Variants in PDZD2 observed in about 807,000 individuals in gnomAD.
PDZD2 encodes the protein PDZ domain containing 2, also known as PDZ domain-containing protein 2.
Under a neutral mutation model 220.7 loss-of-function variants are expected in PDZD2, and 90 were observed. The ratio of observed to expected loss-of-function variants is 0.41; its 90% confidence interval spans 0.34 to 0.49. The LOEUF (loss-of-function observed/expected upper bound fraction) is 0.49. Ranked by LOEUF, PDZD2 falls within the 20% of genes least tolerant of loss-of-function variation. The pLI, the probability that PDZD2 is intolerant of heterozygous loss-of-function variation, is 0.28. For missense variants in PDZD2, 3,174 were observed against 3,608.5 expected, an observed-to-expected ratio of 0.88 and a Z score of 3.08; for synonymous variants, 1,375 against 1,450.5, an observed-to-expected ratio of 0.95 and a Z score of 1.18.
chr5:31,800,371 C>T (rs990744390), intron 2 of PDZD2, among the ~76,000 whole-genome samples: 5 of 152,140 alleles, frequency 3.3e-5, no homozygotes, highest in Non-Finnish European at 7.3e-5. Context: ...TGATGTTTGA[C>T]GCCAACCAGG....
chr5:31,669,401 CAAAAAAAAA>C (rs34910299), intron 1 of PDZD2, among the ~76,000 whole-genome samples: 37 of 109,658 alleles, frequency 3.4e-4, no homozygotes, highest in Admixed American at 2.0e-4. Flanking sequence ...GACCCTGTCT[CAAAAAAAAA>C]AAAAAAAAAA....
At chr5:31,740,229 T>C (rs115528547) in intron 1 of PDZD2, among the ~76,000 whole-genome samples, 1 of 152,088 alleles carries the variant, frequency 6.6e-6, no homozygotes, top group African/African-American at 2.4e-5. Context: ...CCATTGAAAA[T>C]TCTGCTGTTG....
intron 8 of PDZD2, among the ~76,000 whole-genome samples, chr5:32,049,926 G>A (rs995963720): frequency 1.2e-4 from 19 of 152,142 alleles, no homozygotes; most frequent in African/African-American, 4.1e-4. Flanking sequence ...AAGATGGCCT[G>A]TCAGTCGTTC....
intron 1 of PDZD2, among the ~76,000 whole-genome samples, chr5:31,758,633 G>A (rs775531243): frequency 2.6e-5 from 4 of 152,194 alleles, no homozygotes; most frequent in Non-Finnish European, 5.9e-5. Context: ...CTTCAAGCAG[G>A]AAGGGACTTA....
At chr5:32,006,371 T>TG (rs60982197) in intron 5 of PDZD2, among the ~76,000 whole-genome samples, 7 of 144,990 alleles carry the variant, frequency 4.8e-5, no homozygotes, top group African/African-American at 1.7e-4. Context: ...TTTTTTTTTT[T>TG]GAGACAGGGA....
chr5:31,639,326 CGGCGGCACCGGTGGTGGCCGCGGT>C lies in PDZD2; in HGVS notation c.-464_-441del, dbSNP rs1469771606. 1.3e-5 allele frequency: 2 copies of C among 149,804 alleles called. No homozygotes were observed. Among genetic ancestry groups the C allele is most frequent in the Admixed American group, 6.6e-5 (1 of 15,052 alleles). The allele number at this position is 149,804 out of a possible 1,614,324, so 9.3% of individuals were successfully genotyped here. A position where few individuals can be genotyped will look rare whatever the true frequency, so the allele number is the denominator to read the frequency against. ...GCTCTGCAGCTCGGGGCAGGCGCGGCGGCGGCACCGGTGGTGGCCGCGGTGGCGGCAGCTGCGCGGGGACCCGCC... is the reference window on the plus strand; with the variant it reads ...GCTCTGCAGCTCGGGGCAGGCGCGGCGGCGGCAGCTGCGCGGGGACCCGCC... On this transcript the variant is annotated 5_prime_UTR_variant, in exon 1 of 25. Coordinates refer to ENST00000438447, the MANE Select transcript of PDZD2 (RefSeq NM_178140.4). This position sits in a 1 kb window ranked among gnomAD's most constrained non-coding sequence, Gnocchi z 4.1.
chr5:31,943,392 G>A (rs980361143), intron 2 of PDZD2, among the ~76,000 whole-genome samples: 1 of 152,144 alleles, frequency 6.6e-6, no homozygotes, highest in Non-Finnish European at 1.5e-5. Context: ...TGGGGGAACC[G>A]TTCAGAACTC....
In PDZD2 at chr5:31,978,317, A is replaced by G. The variant is rs1310322607; in HGVS notation, c.477-4838A>G. ...GGTAAGGATCCTACTGAACAGAAAA[A>G]GGGACTTGAATGTATGAAATAGTCA... On this transcript the variant is annotated intron_variant, in intron 2 of 24. Coordinates refer to ENST00000438447, the MANE Select transcript of PDZD2 (RefSeq NM_178140.4). Among the ~76,000 whole-genome samples the G allele has an allele frequency of 2.0e-5, 3 of 152,070 alleles. No individual in the cohort carries two copies. The South Asian group carries it at 6.2e-4, about 31-fold the overall frequency.
chr5:31,689,354 T>TATATATATATATA (rs1554063278), intron 1 of PDZD2, among the ~76,000 whole-genome samples: 72 of 27,182 alleles, frequency 2.6e-3, no homozygotes, highest in East Asian at 4.3e-3. Flanking sequence ...TATATATATA[T>TATATATATATATA]TTTTTTTTTT....
At chr5:31,939,158 C>T (rs532777520) in intron 2 of PDZD2, among the ~76,000 whole-genome samples, 271 of 152,216 alleles carry the variant, frequency 1.8e-3, no homozygotes, top group South Asian at 3.3e-3. Context: ...GGCGCCTGTA[C>T]GCTTGATGAG....
At chr5:31,834,935 T>C (rs370355504) in intron 2 of PDZD2, among the ~76,000 whole-genome samples, 1 of 64,736 alleles carries the variant, frequency 1.5e-5, no homozygotes, top group African/African-American at 5.0e-5. Context: ...TAAAATCTCT[T>C]TATATATATG....
intron 2 of PDZD2, among the ~76,000 whole-genome samples, chr5:31,894,110 A>G (rs1483035527): frequency 1.6e-5 from 2 of 125,392 alleles, no homozygotes; most frequent in East Asian, 4.4e-4. Flanking sequence ...ACAGGGTTTC[A>G]CCATGTTGGC....
chr5:31,847,026 C>G (rs1416586833), intron 2 of PDZD2, among the ~76,000 whole-genome samples: 1 of 152,158 alleles, frequency 6.6e-6, no homozygotes, highest in African/African-American at 2.4e-5. Flanking sequence ...GTCTGTTTCA[C>G]TCATGAATCA....
rs408698 is a variant in PDZD2, at chr5:31,639,254, A to G, written c.-544A>G. On this transcript the variant is annotated 5_prime_UTR_variant, in exon 1 of 25. Transcript: ENST00000438447. The surrounding 1 kb of genome is among the most constrained non-coding windows in gnomAD (Gnocchi z 4.1). ...AGGCAGCCGAGGAGCCGCAGGCCGAACCCAAGGCACCGGGATTGCGCCTCC... is the reference window on the plus strand; with the variant it reads ...AGGCAGCCGAGGAGCCGCAGGCCGAGCCCAAGGCACCGGGATTGCGCCTCC... Among the ~76,000 whole-genome samples the G allele has an allele frequency of 0.066, 9,925 of 150,842 alleles. 635 individuals are homozygous for G. Among genetic ancestry groups the G allele is most frequent in the East Asian group, 0.27 (1,367 of 5,082 alleles).
chr5:31,908,350 C>T (rs1742865331), intron 2 of PDZD2: 1 of 284,872 alleles, frequency 3.5e-6, no homozygotes, highest in Non-Finnish European at 6.6e-6. Flanking sequence ...TAGCTGCCAT[C>T]GGCCGCCATC....
rs964011713 is a variant in PDZD2, at chr5:32,092,932, G to A, written c.7753G>A (p.Gly2585Arg). 6.3e-7 allele frequency: 1 copy of A among 1,593,266 alleles called. No individual in the cohort carries two copies. The highest frequency in any genetic ancestry group is 8.6e-7 in the Non-Finnish European group (1 of 1,161,598). Residue 2585 changes from glycine to arginine, a missense_variant, in exon 21 of 25, where the codon GGG becomes AGG. By Grantham distance (125) the Gly-to-Arg change is moderately radical. Transcript: ENST00000438447. ...TTTGGATCAACTTCTAGTCTCAGCG[G>A]GGGACCAGCAAAGATTACAGTCTGT... ...VNLDQLLVSA[G>R]DQQRLQSVLS... is the part of the protein sequence containing the mutation.
chr5:31,915,039 G>A (rs1743559459), intron 2 of PDZD2, among the ~76,000 whole-genome samples: 1 of 152,174 alleles, frequency 6.6e-6, no homozygotes, highest in Non-Finnish European at 1.5e-5. Context: ...AAGTTTTGGA[G>A]TTGAATTCCT....
chr5:32,000,842 A>G lies in PDZD2; in HGVS notation c.1254+571A>G, dbSNP rs1752049402. ...AGTTTTTATAGGTATATGTTAGGGC[A>G]GGTGTCCCCAGCCCCTGGGCTGTGG... is the stretch of plus-strand genomic sequence containing the variant. On this transcript the variant is annotated intron_variant, in intron 5 of 24. Coordinates refer to ENST00000438447, the MANE Select transcript of PDZD2 (RefSeq NM_178140.4). This position sits in a 1 kb window ranked among gnomAD's most constrained non-coding sequence, Gnocchi z 4.5. Among the ~76,000 whole-genome samples the G allele has an allele frequency of 1.3e-5, 2 of 152,178 alleles. No homozygotes were observed.
intron 6 of PDZD2, among the ~76,000 whole-genome samples, chr5:32,026,326 G>A (rs1423100070): frequency 4.0e-5 from 6 of 151,626 alleles, no homozygotes; most frequent in African/African-American, 1.2e-4. Flanking sequence ...TTGTAGAGAC[G>A]GGGTCTTGTG....
Sources: allele counts gnomAD v4.1 joint callset (sites outside exome capture counted in the v4.1 genomes callset), GRCh38; gene constraint gnomAD v4.1.1; non-coding constraint Gnocchi (gnomAD v3.1); transcripts MANE v1.5; gene names NCBI Gene and HGNC (gene_info 2026-07-23, HGNC 2026-07-21).